Variants in YEATS2 observed in about 807,000 individuals in gnomAD.
YEATS2 encodes the protein YEATS domain-containing protein 2.
Under a neutral mutation model 163.2 loss-of-function variants are expected in YEATS2, and 77 were observed. The observed-to-expected ratio is 0.47, with a 90% CI of 0.39 to 0.57. The LOEUF (loss-of-function observed/expected upper bound fraction) is 0.57, where lower values mean the gene tolerates loss of function less well. Ranked by LOEUF, YEATS2 falls within the 20% of genes least tolerant of loss-of-function variation. The pLI is 0.00. For synonymous variants in YEATS2, 631 were observed against 645.1 expected, an observed-to-expected ratio of 0.98 and a Z score of 0.33; for missense variants, 1,549 against 1,729.8, an observed-to-expected ratio of 0.90 and a Z score of 1.85.
intron 4 of YEATS2, among the ~76,000 whole-genome samples, chr3:183,720,436 A>G (rs542221799): frequency 1.4e-4 from 21 of 152,206 alleles, no homozygotes; most frequent in African/African-American, 4.6e-4. Context: ...TCTCAGCTGA[A>G]TCACCTCTGG....
At chr3:183,738,593 C>T (rs1718617197) in intron 8 of YEATS2, among the ~76,000 whole-genome samples, 1 of 135,640 alleles carries the variant, frequency 7.4e-6, no homozygotes, top group Admixed American at 7.6e-5. Flanking sequence ...TGGTATTCCC[C>T]TTCATGTGTC....
At position 183,728,732 on chromosome 3, in the gene YEATS2, T is replaced by C; in HGVS notation, c.693T>C (p.Thr231=). The change falls in exon 7 of 31, where the codon ACT becomes ACC. Residue 231 remains threonine, a synonymous_variant. Transcript: ENST00000305135. ...AGAGGGAAGAAAATGACCAGTCAACTCATAAGTGGATGGTATATGTCCGAG... is the reference window on the plus strand; with the variant it reads ...AGAGGGAAGAAAATGACCAGTCAACCCATAAGTGGATGGTATATGTCCGAG... ...PDKREENDQS[T]HKWMVYVRGS... 1 of 1,613,830 alleles carries C rather than the reference T, an allele frequency of 6.2e-7. No individual in the cohort carries two copies. The highest frequency in any genetic ancestry group is 1.1e-5 in the South Asian group (1 of 90,934).
At chr3:183,746,467 C>T (rs1300413688) in intron 8 of YEATS2, among the ~76,000 whole-genome samples, 1 of 152,142 alleles carries the variant, frequency 6.6e-6, no homozygotes, top group Admixed American at 6.5e-5. Flanking sequence ...CCAGGCAAAA[C>T]CTGTTCCTGT....
rs1322782153 is a variant in YEATS2 at position 183,717,724 on chromosome 3, A to G, written c.174A>G (p.Glu58=). 1 of 1,558,696 alleles carries G rather than the reference A, an allele frequency of 6.4e-7. No homozygotes were observed. Among genetic ancestry groups the G allele is most frequent in the Non-Finnish European group, 8.6e-7 (1 of 1,160,534 alleles). ...EQFALEMKNK[E]HEIEVIDQRL... ...TTGCTCTTGAAATGAAGAATAAGGA[A>G]CATGAAATTGAAGTCATTGACCAGG... The change falls in exon 3 of 31, where the codon GAA becomes GAG. Residue 58 remains glutamate (E), a synonymous_variant. Coordinates refer to ENST00000305135, the MANE Select transcript of YEATS2 (RefSeq NM_018023.5).
intron 20 of YEATS2, among the ~76,000 whole-genome samples, chr3:183,790,262 G>T (rs1021845514): frequency 6.6e-6 from 1 of 152,156 alleles, no homozygotes; most frequent in Non-Finnish European, 1.5e-5. Context: ...GGTTGTGTTG[G>T]TGACATTTGC....
intron 9 of YEATS2, among the ~76,000 whole-genome samples, chr3:183,749,825 A>G (rs1275063770): frequency 6.6e-6 from 1 of 151,374 alleles, no homozygotes; most frequent in African/African-American, 2.4e-5. Context: ...TTATTTATTT[A>G]TTTATTTTTT....
At chr3:183,717,107 G>T (rs927771150) in intron 2 of YEATS2, among the ~76,000 whole-genome samples, 65 of 152,062 alleles carry the variant, frequency 4.3e-4, no homozygotes, top group African/African-American at 1.5e-3. Flanking sequence ...TGTCCAGGCT[G>T]GTCTCAAACT....
chr3:183,758,435 A>G (rs761771401), intron 12 of YEATS2, among the ~76,000 whole-genome samples: 1 of 152,240 alleles, frequency 6.6e-6, no homozygotes, highest in African/African-American at 2.4e-5. Flanking sequence ...AGGAGCTAGC[A>G]GAATGCATAT....
At chr3:183,758,227 C>T (rs1720963587) in intron 12 of YEATS2, among the ~76,000 whole-genome samples, 1 of 152,002 alleles carries the variant, frequency 6.6e-6, no homozygotes, top group Non-Finnish European at 1.5e-5. Flanking sequence ...TGTGGTAGCG[C>T]GTGCCTGTAG....
At chr3:183,788,217 G>A (rs567869839) in intron 20 of YEATS2, among the ~76,000 whole-genome samples, 5 of 151,910 alleles carry the variant, frequency 3.3e-5, no homozygotes, top group Admixed American at 1.3e-4. Context: ...TGGTCACCCT[G>A]TTGTGCTATC....
intron 26 of YEATS2, 47 bp downstream of exon 26, chr3:183,803,382 TC>T: frequency 6.6e-7 from 1 of 1,523,812 alleles, no homozygotes; most frequent in Non-Finnish European, 9.0e-7. Context: ...AGAAACCTTG[TC>T]TTATGGAACA....
In YEATS2 at chr3:183,807,062, G is replaced by T; in HGVS notation, c.3981G>T (p.Gly1327=). 2 of 1,613,924 alleles carry T rather than the reference G, an allele frequency of 1.2e-6. No homozygotes were observed. The highest frequency in any genetic ancestry group is 1.7e-6 in the Non-Finnish European group (2 of 1,179,960). Reference sequence around the variant, plus strand: ...AGTTCTACCTGCCACCAACCCCAGGGTCTGAATTTATTGGGGATGTCACAC... The same window carrying T: ...AGTTCTACCTGCCACCAACCCCAGGTTCTGAATTTATTGGGGATGTCACAC... ...EVKFYLPPTP[G]SEFIGDVTQK... is the part of the protein sequence containing the mutation. Residue 1327 remains glycine, a synonymous_variant, in exon 28 of 31, where the codon GGG becomes GGT. Transcript: ENST00000305135.
At chr3:183,768,364 A>C (rs1254837221) in intron 15 of YEATS2, among the ~76,000 whole-genome samples, 3 of 152,222 alleles carry the variant, frequency 2.0e-5, no homozygotes, top group Non-Finnish European at 4.4e-5. Context: ...GCCAGAAAGC[A>C]AATGGCCACG....
chr3:183,776,964 A>AAT (rs1186622612), intron 18 of YEATS2, among the ~76,000 whole-genome samples: 1 of 152,168 alleles, frequency 6.6e-6, no homozygotes, highest in Non-Finnish European at 1.5e-5. Flanking sequence ...AAAAAAAAAA[A>AAT]AAAGGAAAAG....
chr3:183,800,501 C>G lies in YEATS2; in HGVS notation c.3361C>G (p.Leu1121Val), dbSNP rs201088637. Residue 1121 changes from leucine to valine, a missense_variant, in exon 24 of 31, where the codon CTC (leucine) becomes GTC (valine). Transcript: ENST00000305135. ...TEPETPGPSC[L>V]SQEGQTAVKT... The stretch of plus-strand genomic sequence containing the variant: ...ACCAGAAACACCTGGACCGAGTTGC[C>G]TCTCTCAGGAGGGTCAGACAGCAGT... The G allele has an allele frequency of 4.3e-4, 691 of 1,614,044 alleles. No individual in the cohort carries two copies. Among genetic ancestry groups the G allele is most frequent in the Non-Finnish European group, 5.4e-4 (636 of 1,180,016 alleles).
rs753900940 is a variant in YEATS2, at chr3:183,786,172, C to G, written c.2784C>G (p.Thr928=). The G allele has an allele frequency of 1.1e-4, 179 of 1,614,006 alleles. No individual in the cohort carries two copies. The highest frequency in any genetic ancestry group is 1.5e-4 in the Non-Finnish European group (172 of 1,180,010). ...CTCTAATGAAAATATCCGATAGCAC[C>G]TTGAAGACTGTGCCAGCCACCTCAC... The part of the protein sequence containing the change: ...QASLMKISDS[T]LKTVPATSQL... The change falls in exon 20 of 31, where the codon ACC becomes ACG. Residue 928 remains threonine, a synonymous_variant. Transcript: ENST00000305135.
chr3:183,791,046 T>G (rs1284828990), intron 21 of YEATS2, 66 bp downstream of exon 21: 17 of 1,570,106 alleles, frequency 1.1e-5, no homozygotes, highest in Non-Finnish European at 1.5e-5. Flanking sequence ...TTTTGTTTGT[T>G]TGTTTGAGAT....
intron 2 of YEATS2, among the ~76,000 whole-genome samples, chr3:183,717,093 ATGT>A (rs1490135170): frequency 1.3e-5 from 2 of 151,892 alleles, no homozygotes; most frequent in African/African-American, 4.8e-5. Flanking sequence ...GGGTTTCACC[ATGT>A]TGTCCAGGCT....
At chr3:183,730,457 C>G (rs1191353601) in intron 7 of YEATS2, among the ~76,000 whole-genome samples, 10 of 152,228 alleles carry the variant, frequency 6.6e-5, no homozygotes, top group Admixed American at 6.5e-4. Flanking sequence ...TTTCTTCACC[C>G]CCGACTCTTA....
Sources: gnomAD v4.1 joint callset for allele counts (sites outside exome capture counted in the v4.1 genomes callset) on GRCh38, gnomAD v4.1.1 for gene constraint, MANE v1.5 for transcripts, NCBI Gene and HGNC (gene_info 2026-07-23, HGNC 2026-07-21) for gene names.